The following VRK3 variants were observed in gnomAD, a reference collection of about 807,000 sequenced individuals.
VRK3 encodes the protein serine/threonine-protein kinase VRK3.
Under a neutral mutation model 60.4 loss-of-function variants are expected in VRK3, and 50 were observed. That is an observed-to-expected ratio of 0.83 (90% CI 0.66 to 1.05). The LOEUF is 1.05. Among genes scored for constraint, VRK3 ranks in the 50% least tolerant of loss-of-function variants. The pLI is 0.00. For synonymous variants in VRK3, 246 were observed against 227.8 expected (o/e 1.08, Z -0.72); for missense variants, 549 against 585.3 (o/e 0.94, Z 0.64).
At chr19:50,012,745 C>G (rs1568811148) in intron 3 of VRK3, among the ~76,000 whole-genome samples, 1 of 151,872 alleles carries the variant, frequency 6.6e-6, no homozygotes. Flanking sequence ...TGTGGTGGTG[C>G]GCGGCTGTAA....
rs576877839 is a variant in VRK3, at chr19:49,995,110, G to A, written c.764+81C>T. 571 of 1,490,892 alleles carry A rather than the reference G, an allele frequency of 3.8e-4. 11 individuals are homozygous for A. In the South Asian group the frequency reaches 6.2e-3, roughly 16 times the overall value. 92.4% of individuals were successfully genotyped at this position (1,490,892 alleles called of 1,614,324 possible). On this transcript the variant is annotated intron_variant, in intron 8 of 14. Coordinates refer to ENST00000316763, the MANE Select transcript of VRK3 (RefSeq NM_016440.4). ...AAGCAAAGACCTGGCCCACGGCTTC[G>A]GGGTCCCAGCCATGCCTGGAGTCAC...
chr19:50,021,805 T>A (rs1427950271), intron 1 of VRK3, among the ~76,000 whole-genome samples: 2 of 152,238 alleles, frequency 1.3e-5, no homozygotes, highest in African/African-American at 2.4e-5. Context: ...AAGACGGTTC[T>A]CATTTCATGA....
At chr19:49,991,518 T>TGC (rs979565038) in intron 10 of VRK3, among the ~76,000 whole-genome samples, 8 of 150,718 alleles carry the variant, frequency 5.3e-5, no homozygotes, top group African/African-American at 2.0e-4. Flanking sequence ...AATAAATCTC[T>TGC]ACACACACAC....
At position 49,989,718 on chromosome 19, in the gene VRK3, G is replaced by A. The variant is rs149802760; in HGVS notation, c.1017C>T (p.His339=). The change falls in exon 11 of 15, where the codon CAC becomes CAT. Residue 339 remains histidine (H), a synonymous_variant. Coordinates refer to ENST00000316763, the MANE Select transcript of VRK3 (RefSeq NM_016440.4). ...FAFRYCPSGK[H]VAYVEGSRSP... ...TCCTGCTGCCTTCCACGTAGGCCAC[G>A]TGTTTGCCACTTGGGCAATAGCGGA... is the stretch of plus-strand genomic sequence containing the variant. 153 of 1,613,804 alleles carry A rather than the reference G, an allele frequency of 9.5e-5. No homozygotes were observed. The highest frequency in any genetic ancestry group is 7.1e-4 in the East Asian group (32 of 44,878).
At chr19:50,023,251 T>C (rs2077199928) in intron 1 of VRK3, among the ~76,000 whole-genome samples, 1 of 152,258 alleles carries the variant, frequency 6.6e-6, no homozygotes, top group Non-Finnish European at 1.5e-5. Context: ...AATGGCACGA[T>C]CTCGGCTTAC....
At chr19:50,004,405 T>C (rs1369104130) in intron 5 of VRK3, among the ~76,000 whole-genome samples, 1 of 152,160 alleles carries the variant, frequency 6.6e-6, no homozygotes, top group Non-Finnish European at 1.5e-5. Context: ...CATGATCCCT[T>C]CTCGCTCTTT....
chr19:49,993,669 G>C (rs1682194972), intron 9 of VRK3, among the ~76,000 whole-genome samples: 1 of 152,092 alleles, frequency 6.6e-6, no homozygotes, highest in Admixed American at 6.5e-5. Flanking sequence ...CAAAGTGCTG[G>C]GATTACTGGC....
At chr19:49,994,596 C>T (rs1472238367) in intron 9 of VRK3, among the ~76,000 whole-genome samples, 1 of 152,222 alleles carries the variant, frequency 6.6e-6, no homozygotes, top group Non-Finnish European at 1.5e-5. Context: ...GAGGCCGGGG[C>T]TCCTTCCTCC....
intron 5 of VRK3, among the ~76,000 whole-genome samples, chr19:50,007,036 C>G (rs947970185): frequency 6.6e-6 from 1 of 152,282 alleles, no homozygotes; most frequent in African/African-American, 2.4e-5. Context: ...GATGAAACAC[C>G]TGACCAGTCT....
chr19:50,015,754 C>T (rs771960580), intron 3 of VRK3: 1 of 436,318 alleles, frequency 2.3e-6, no homozygotes, highest in Non-Finnish European at 4.2e-6. Context: ...AGCTGGCAGG[C>T]TGCACATATA....
chr19:50,019,191 A>G (rs1292345812), intron 2 of VRK3: 4 of 141,072 alleles, frequency 2.8e-5, no homozygotes, highest in Non-Finnish European at 5.9e-5. Flanking sequence ...AAAAAAAGAA[A>G]AAAAATTAAA....
chr19:50,012,048 C>A (rs1178478897), intron 3 of VRK3, among the ~76,000 whole-genome samples: 1 of 151,864 alleles, frequency 6.6e-6, no homozygotes, highest in Non-Finnish European at 1.5e-5. Flanking sequence ...CTTGGCTCAC[C>A]GCAACCTCTC....
At chr19:49,984,905 T>G (rs1324194423) in intron 12 of VRK3, among the ~76,000 whole-genome samples, 1 of 152,210 alleles carries the variant, frequency 6.6e-6, no homozygotes, top group African/African-American at 2.4e-5. Flanking sequence ...ATTACAGGCG[T>G]GAGCCACCGC....
chr19:49,988,162 CAG>C (rs552432931), intron 12 of VRK3: 12 of 582,618 alleles, frequency 2.1e-5, no homozygotes, highest in Non-Finnish European at 3.0e-5. Context: ...GTGGTGGTGC[CAG>C]AGTCTGAGCC....
chr19:49,995,110 G>T, intron 8 of VRK3, 81 bp downstream of exon 8: 11 of 1,490,896 alleles, frequency 7.4e-6, no homozygotes, highest in Non-Finnish European at 1.0e-5. Context: ...CCACGGCTTC[G>T]GGGTCCCAGC....
At chr19:49,981,785 CACACACAG>C (rs2076426864) in intron 12 of VRK3, 1 of 1,047,724 alleles carries the variant, frequency 9.5e-7, no homozygotes, top group African/African-American at 1.7e-5. Context: ...GTCCCAAGCA[CACACACAG>C]ACACACACAC....
intron 6 of VRK3, chr19:49,998,158 G>C (rs897788234): frequency 6.6e-6 from 1 of 151,130 alleles, no homozygotes; most frequent in African/African-American, 2.5e-5. Flanking sequence ...ACATCATCTT[G>C]CTTAAGCCAC....
rs190210883 is a variant in VRK3 at position 50,010,827 on chromosome 19, C to T, written c.140-1442G>A. On this transcript the variant is annotated intron_variant, in intron 3 of 14. Transcript: ENST00000316763. Reference sequence around the variant, plus strand: ...ACTTGAGAAGCTGAGGCAGGAGAATCGCTTGAACACGGGAGGTGGAGGTTG... The same window carrying T: ...ACTTGAGAAGCTGAGGCAGGAGAATTGCTTGAACACGGGAGGTGGAGGTTG... Among the ~76,000 whole-genome samples the T allele has an allele frequency of 3.3e-5, 5 of 152,228 alleles. No individual in the cohort carries two copies. The East Asian group carries it at 5.8e-4, about 18-fold the overall frequency.
chr19:49,984,578 C>CT (rs1568774472), intron 12 of VRK3, among the ~76,000 whole-genome samples: 1 of 152,226 alleles, frequency 6.6e-6, no homozygotes, highest in African/African-American at 2.4e-5. Flanking sequence ...ACACTGAAGC[C>CT]TGGGCGGGCT....
Sources: allele counts gnomAD v4.1 joint callset (sites outside exome capture counted in the v4.1 genomes callset), GRCh38; gene constraint gnomAD v4.1.1; transcripts MANE v1.5; gene names NCBI Gene and HGNC (gene_info 2026-07-23, HGNC 2026-07-21).